ELP1: variants seen among roughly 807,000 people sequenced by gnomAD.
ELP1 encodes elongator complex protein 1.
A neutral mutation model predicts 183.2 loss-of-function variants in ELP1; 131 were observed. The ratio of observed to expected loss-of-function variants is 0.72; its 90% CI spans 0.62 to 0.83. The LOEUF is 0.83. ELP1 is among the 40% of genes least tolerant of loss of function. ELP1 has a pLI of 0.00. For missense variants in ELP1, 1,550 were observed against 1,594.9 expected (o/e 0.97, Z 0.48); for synonymous variants, 555 against 569.0 (o/e 0.98, Z 0.35).
At chr9:108,899,650 C>A in intron 20 of ELP1, among the ~76,000 whole-genome samples, 172 bp downstream of exon 20, 1 of 145,422 alleles carries the variant, frequency 6.9e-6, no homozygotes. Flanking sequence ...CAAAATACTG[C>A]ATTAAAGTAA....
chr9:108,925,731 G>T (rs926093386), intron 5 of ELP1, among the ~76,000 whole-genome samples: 1 of 152,080 alleles, frequency 6.6e-6, no homozygotes, highest in African/African-American at 2.4e-5. Context: ...TAAATTCTTT[G>T]TAGATGCTGG....
chr9:108,878,998 C>G (rs911548113), intron 33 of ELP1, among the ~76,000 whole-genome samples: 1 of 152,148 alleles, frequency 6.6e-6, no homozygotes, highest in Non-Finnish European at 1.5e-5. Flanking sequence ...ATCTACTGCA[C>G]CTACCATATG....
At position 108,868,659 on chromosome 9, in the gene ELP1, C is replaced by T; in HGVS notation, c.*456G>A. On this transcript the variant is annotated 3_prime_UTR_variant, in exon 37 of 37. Transcript: ENST00000374647. ...ATAATTTCAAAGGATACTTTTTATT[C>T]TGCTTTAGTTTAAGGTGACAAGAAG... The T allele has an allele frequency of 2.2e-6, 1 of 452,558 alleles. No individual in the cohort carries two copies. Among genetic ancestry groups the T allele is most frequent in the Non-Finnish European group, 3.9e-6 (1 of 258,464 alleles). 28.0% of individuals were successfully genotyped at this position (452,558 alleles called of 1,614,324 possible).
rs2131992524 is a variant in ELP1, at chr9:108,901,659, T to C, written c.1877A>G (p.Asp626Gly). 6.2e-7 allele frequency: 1 copy of C among 1,614,174 alleles called. No homozygotes were observed. The highest frequency in any genetic ancestry group is 1.1e-5 in the South Asian group (1 of 91,086). Reference protein sequence around the residue: ...GEEECVLGLTDRCRFFINDIE... With the variant: ...GEEECVLGLTGRCRFFINDIE... ...GTCATTGATGAAAAAGCGACACCTG[T>C]CAGTCAGACCAAGGACACATTCCTG... The change falls in exon 17 of 37, where the codon GAC (aspartate) becomes GGC (glycine). Residue 626 changes from aspartate to glycine, a missense_variant. Transcript: ENST00000374647.
intron 5 of ELP1, 35 bp downstream of exon 5, chr9:108,926,488 G>T: frequency 6.6e-7 from 1 of 1,511,746 alleles, no homozygotes; most frequent in African/African-American, 1.4e-5. Context: ...GGGAAGAAAC[G>T]TAGGTCACAA....
chr9:108,929,012 G>A (rs1299141335), intron 3 of ELP1, among the ~76,000 whole-genome samples: 2 of 152,150 alleles, frequency 1.3e-5, no homozygotes, highest in Admixed American at 6.5e-5. Context: ...ACTGCATAAG[G>A]TCATGGTGAA....
At chr9:108,905,868 T>TACACAC (rs35044796) in intron 14 of ELP1, among the ~76,000 whole-genome samples, 8,740 of 147,992 alleles carry the variant, frequency 0.059, 315 homozygotes, top group South Asian at 0.12. Context: ...AAGGTATGTA[T>TACACAC]ACACACACAC....
Position 108,929,806 on chromosome 9 carries a change from G to A in ELP1, c.266C>T (p.Ser89Phe), listed in dbSNP as rs1237972841. ...GAGACTGCAGAGTATGACGTCTCCA[G>A]AGGCTGTGGCCACACACACAGACTC... ...DQESVCVATASGDVILCSLST... is the reference protein window; with the variant it reads ...DQESVCVATAFGDVILCSLST... The change falls in exon 3 of 37, where the codon TCT (serine) becomes TTT (phenylalanine). Residue 89 changes from serine to phenylalanine, a missense_variant. Ser to Phe is a radical substitution (Grantham distance 155). Coordinates refer to ENST00000374647, the MANE Select transcript of ELP1 (RefSeq NM_003640.5). 6 of 1,613,802 alleles carry A rather than the reference G, an allele frequency of 3.7e-6. No homozygotes were observed. Among genetic ancestry groups the A allele is most frequent in the Admixed American group, 1.7e-5 (1 of 60,002 alleles).
At chr9:108,872,733 A>T (rs1347130438) in intron 36 of ELP1, among the ~76,000 whole-genome samples, 2 of 130,274 alleles carry the variant, frequency 1.5e-5, no homozygotes, top group African/African-American at 3.2e-5. Flanking sequence ...TGAACCCGGG[A>T]GGCGGAGCTT....
Position 108,906,417 on chromosome 9 carries a change from T to C in ELP1, c.1529A>G (p.Glu510Gly), listed in dbSNP as rs755282356. ...PLKLGLLTWI[E>G]EDVFLAVSHS... is the part of the protein sequence containing the mutation. Reference sequence around the variant, plus strand: ...GCTTACAGCCAGGAAGACGTCTTCTTCAATCCAAGTGAGAAGGCCTAGTTT... The same window carrying C: ...GCTTACAGCCAGGAAGACGTCTTCTCCAATCCAAGTGAGAAGGCCTAGTTT... Residue 510 changes from glutamate (E) to glycine (G), a missense_variant, in exon 14 of 37, where the codon GAA becomes GGA. By Grantham distance (98) the Glu-to-Gly change is moderately conservative (BLOSUM62 -2). Coordinates refer to ENST00000374647, the MANE Select transcript of ELP1 (RefSeq NM_003640.5). 45 of 1,613,976 alleles carry C rather than the reference T, an allele frequency of 2.8e-5. 1 individual carries two copies. The Middle Eastern group carries it at 2.0e-3, about 71-fold the overall frequency.
chr9:108,898,997 C>T (rs1027315884), intron 20 of ELP1, among the ~76,000 whole-genome samples: 1 of 152,012 alleles, frequency 6.6e-6, no homozygotes, highest in Admixed American at 6.6e-5. Flanking sequence ...ATACATACAA[C>T]AGAAAATCAT....
intron 3 of ELP1, 106 bp downstream of exon 3, chr9:108,929,663 G>T: frequency 8.8e-7 from 1 of 1,134,486 alleles, no homozygotes; most frequent in Non-Finnish European, 1.3e-6. Context: ...AAATTAATTA[G>T]CAAAAGTGTA....
chr9:108,899,783 C>A, intron 20 of ELP1, 39 bp downstream of exon 20: 1 of 1,506,448 alleles, frequency 6.6e-7, no homozygotes, highest in South Asian at 1.1e-5. Flanking sequence ...ACACATAAAT[C>A]ACAAGCTAAC....
chr9:108,884,760 A>C (rs1278972166), intron 29 of ELP1, among the ~76,000 whole-genome samples: 2 of 152,204 alleles, frequency 1.3e-5, no homozygotes, highest in Non-Finnish European at 2.9e-5. Flanking sequence ...CTATAAAGTA[A>C]GGAATCATCT....
At chr9:108,888,703 C>A (rs773224829) in intron 29 of ELP1, among the ~76,000 whole-genome samples, 2 of 152,118 alleles carry the variant, frequency 1.3e-5, no homozygotes, top group Non-Finnish European at 2.9e-5. Context: ...TTTTAAAGCA[C>A]AATTAAGTTA....
intron 36 of ELP1, among the ~76,000 whole-genome samples, chr9:108,870,031 A>G (rs550622653): frequency 1.3e-5 from 2 of 151,898 alleles, no homozygotes; most frequent in South Asian, 4.2e-4. Context: ...GTTGGAGTGC[A>G]GTGGCACGAT....
intron 20 of ELP1, 87 bp from the exon 21 acceptor site, chr9:108,898,836 A>T: frequency 1.1e-6 from 1 of 879,428 alleles, no homozygotes; most frequent in Middle Eastern, 3.0e-4. Context: ...GATACAAACC[A>T]GTTATAATCA....
intron 3 of ELP1, among the ~76,000 whole-genome samples, chr9:108,928,950 T>G (rs1829907442): frequency 6.6e-6 from 1 of 152,234 alleles, no homozygotes; most frequent in Non-Finnish European, 1.5e-5. Context: ...TCTAATTACT[T>G]AAGCACTCTG....
Position 108,931,008 on chromosome 9 carries a change from C to A in ELP1, c.139G>T (p.Val47Phe), listed in dbSNP as rs151209640. 1.9e-6 allele frequency: 3 copies of A among 1,614,010 alleles called. No homozygotes were observed. The African/African-American group carries it at 4.0e-5, about 22-fold the overall frequency. Residue 47 changes from valine to phenylalanine, a missense_variant, in exon 2 of 37, where the codon GTC becomes TTC. Val to Phe is a conservative substitution (Grantham distance 50). Transcript: ENST00000374647. The part of the protein sequence containing the change: ...SEHGLIEVDP[V>F]SREVKNEVSL... Reference sequence around the variant, plus strand: ...CATCAGTAACTTACTTCTCTTGAGACAGGGTCTACTTCTATCAGGCCATGT... The same window carrying A: ...CATCAGTAACTTACTTCTCTTGAGAAAGGGTCTACTTCTATCAGGCCATGT...
Sources: allele counts gnomAD v4.1 joint callset (sites outside exome capture counted in the v4.1 genomes callset), GRCh38; gene constraint gnomAD v4.1.1; transcripts MANE v1.5; gene names NCBI Gene and HGNC (gene_info 2026-07-23, HGNC 2026-07-21).